NCKAP5: variants seen among roughly 807,000 people sequenced by gnomAD.
NCKAP5 encodes NCK associated protein 5.
A neutral mutation model predicts 167.0 loss-of-function variants in NCKAP5; 92 were observed. The observed-to-expected ratio is 0.55, with a 90% CI of 0.47 to 0.66. The LOEUF is 0.66. NCKAP5 is among the 30% of genes least tolerant of loss of function. NCKAP5 has a pLI of 0.00. For synonymous variants in NCKAP5, 891 were observed against 877.4 expected (o/e 1.02, Z -0.27); for missense variants, 2,378 against 2,315.0 (o/e 1.03, Z -0.56).
intron 3 of NCKAP5, among the ~76,000 whole-genome samples, chr2:133,459,637 A>G (rs1362338541): frequency 6.6e-6 from 1 of 152,186 alleles, no homozygotes; most frequent in African/African-American, 2.4e-5. Context: ...ACATTTTAAT[A>G]TACTGGGATC....
At chr2:133,471,160 AT>A (rs950903463) in intron 3 of NCKAP5, among the ~76,000 whole-genome samples, 2 of 151,222 alleles carry the variant, frequency 1.3e-5, no homozygotes, top group East Asian at 2.0e-4. Context: ...CAGCTCTTTA[AT>A]TTTTTTTTCA....
intron 3 of NCKAP5, among the ~76,000 whole-genome samples, chr2:133,500,245 A>G (rs1045736143): frequency 6.6e-6 from 1 of 152,212 alleles, no homozygotes; most frequent in African/African-American, 2.4e-5. Flanking sequence ...GAAAAGATGC[A>G]TGCTCCGCTC....
intron 6 of NCKAP5, among the ~76,000 whole-genome samples, chr2:133,099,995 C>T (rs1172930734): frequency 6.6e-6 from 1 of 152,212 alleles, no homozygotes; most frequent in African/African-American, 2.4e-5. Context: ...TTACAGGAGT[C>T]TGTGGACGCT....
chr2:133,020,852 C>T (rs952440278), intron 6 of NCKAP5, among the ~76,000 whole-genome samples: 9 of 152,260 alleles, frequency 5.9e-5, no homozygotes, highest in South Asian at 4.2e-4. Context: ...AATCACCAAA[C>T]GGACAAGGGG....
At chr2:132,861,061 A>G (rs1440783446) in intron 10 of NCKAP5, among the ~76,000 whole-genome samples, 1 of 152,162 alleles carries the variant, frequency 6.6e-6, no homozygotes, top group East Asian at 1.9e-4. Context: ...TGTGAAAACA[A>G]GTTGAAATTC....
chr2:133,624,135 G>A, the NCKAP5 span, among the ~76,000 whole-genome samples: 10 of 152,144 alleles, frequency 6.6e-5, no homozygotes, highest in African/African-American at 2.4e-4. Context: ...TTGGGGAAAA[G>A]GGTGGGGGAT....
At position 132,779,765 on chromosome 2, in the gene NCKAP5, A is replaced by G. The variant is rs182547364; in HGVS notation, c.5049+1287T>C. Among the ~76,000 whole-genome samples the G allele has an allele frequency of 1.7e-3, 255 of 152,322 alleles. 3 individuals are homozygous for G. The highest frequency in any genetic ancestry group is 5.8e-3 in the African/African-American group (242 of 41,574). On this transcript the variant is annotated intron_variant, in intron 15 of 19. Coordinates refer to ENST00000409261, the MANE Select transcript of NCKAP5 (RefSeq NM_207363.3). ...TCTGTGAAACTTGAAGGAAATCTAA[A>G]CATCAATAAGTATTTATAGCTAATA...
intron 4 of NCKAP5, among the ~76,000 whole-genome samples, chr2:133,288,448 A>G (rs913838789): frequency 6.6e-6 from 1 of 152,238 alleles, no homozygotes; most frequent in African/African-American, 2.4e-5. Context: ...TTGGCTTTCA[A>G]TTAGCCAGGG....
At chr2:132,748,637 C>A (rs761465997) in intron 16 of NCKAP5, among the ~76,000 whole-genome samples, 1 of 152,126 alleles carries the variant, frequency 6.6e-6, no homozygotes, top group African/African-American at 2.4e-5. Flanking sequence ...CAACTATACC[C>A]GTACCCTACT....
chr2:132,979,377 C>T (rs1416677018), intron 7 of NCKAP5, among the ~76,000 whole-genome samples: 1 of 152,116 alleles, frequency 6.6e-6, no homozygotes, highest in Non-Finnish European at 1.5e-5. Flanking sequence ...ATTTCTCACC[C>T]ACCCAGTCCA....
chr2:133,644,093 G>T, the NCKAP5 span, among the ~76,000 whole-genome samples: 1 of 152,150 alleles, frequency 6.6e-6, no homozygotes, highest in Non-Finnish European at 1.5e-5. Flanking sequence ...GGGCCATGAG[G>T]CACCCAGATA....
At chr2:133,045,939 C>G (rs535884983) in intron 6 of NCKAP5, among the ~76,000 whole-genome samples, 3 of 152,300 alleles carry the variant, frequency 2.0e-5, no homozygotes, top group East Asian at 1.9e-4. Context: ...GATGCCATGA[C>G]AGTTGATTTG....
chr2:133,424,393 T>C (rs1352040716), intron 3 of NCKAP5, among the ~76,000 whole-genome samples: 3 of 152,156 alleles, frequency 2.0e-5, no homozygotes, highest in Admixed American at 2.0e-4. Context: ...CGGAACACCA[T>C]CTTGGAAGTG....
At chr2:133,153,123 G>A (rs2083441601) in intron 5 of NCKAP5, among the ~76,000 whole-genome samples, 1 of 152,236 alleles carries the variant, frequency 6.6e-6, no homozygotes. Flanking sequence ...CAATGGTTCA[G>A]AGCTAGGGGT....
At chr2:132,884,167 G>T (rs778142864) in intron 8 of NCKAP5, among the ~76,000 whole-genome samples, 1 of 152,190 alleles carries the variant, frequency 6.6e-6, no homozygotes, top group Non-Finnish European at 1.5e-5. Flanking sequence ...TCCCTCAGGT[G>T]GGATCCTGCC....
intron 5 of NCKAP5, among the ~76,000 whole-genome samples, chr2:133,163,043 G>A (rs1259686716): frequency 6.6e-6 from 1 of 152,082 alleles, no homozygotes; most frequent in Non-Finnish European, 1.5e-5. Flanking sequence ...GTCAGCAAAT[G>A]GGGGAAACGT....
the NCKAP5 span, among the ~76,000 whole-genome samples, chr2:133,608,703 A>G: frequency 6.6e-6 from 1 of 152,190 alleles, no homozygotes; most frequent in South Asian, 2.1e-4. Flanking sequence ...GTAAAATATC[A>G]CAGTTGACGA....
At chr2:133,090,212 T>TA (rs56131091) in intron 6 of NCKAP5, among the ~76,000 whole-genome samples, 3,863 of 135,644 alleles carry the variant, frequency 0.028, 154 homozygotes, top group African/African-American at 0.094. Flanking sequence ...ACAAGAAAAT[T>TA]AAAAAAAAAA....
At chr2:133,173,457 T>G (rs1157122545) in intron 5 of NCKAP5, among the ~76,000 whole-genome samples, 1 of 152,170 alleles carries the variant, frequency 6.6e-6, no homozygotes, top group Non-Finnish European at 1.5e-5. Context: ...TCCTGCTAAG[T>G]CAGTTTAGAC....
Sources: allele counts gnomAD v4.1 joint callset (sites outside exome capture counted in the v4.1 genomes callset), GRCh38; gene constraint gnomAD v4.1.1; transcripts MANE v1.5; gene names NCBI Gene and HGNC (gene_info 2026-07-23, HGNC 2026-07-21).